GPN2: variants seen among roughly 807,000 people sequenced by gnomAD.
GPN2 encodes ATP-binding domain 1 family member B.
GPN2 carries 27 observed loss-of-function variants against 30.1 expected under a neutral mutation model. That is an observed-to-expected ratio of 0.90 (90% CI 0.66 to 1.24). The LOEUF (loss-of-function observed/expected upper bound fraction) is 1.24. Ranked by LOEUF, GPN2 falls within the 50% of genes most tolerant of loss-of-function variation. GPN2 has a pLI of 0.00. For missense variants in GPN2, 406 were observed against 405.4 expected, an observed-to-expected ratio of 1.00 and a Z score of -0.01; for synonymous variants, 212 against 174.4, an observed-to-expected ratio of 1.22 and a Z score of -1.70.
Position 26,884,159 on chromosome 1 carries a change from C to G in GPN2, c.860+1G>C. ...TATGGCCAGGAAGCTGGCAAGGATA[C>G]GAAGAGAAATGGAAGTCGGCTCCCA... is the stretch of plus-strand genomic sequence containing the variant. On this transcript the variant is annotated splice_donor_variant, in intron 4 of 4. Transcript: ENST00000374135. LOFTEE classifies it high-confidence loss of function. The G allele has an allele frequency of 6.2e-7, 1 of 1,610,834 alleles. No individual in the cohort carries two copies. The highest frequency in any genetic ancestry group is 8.5e-7 in the Non-Finnish European group (1 of 1,178,318).
intron 4 of GPN2, among the ~76,000 whole-genome samples, chr1:26,880,827 A>ATGTAC (rs1557654787): frequency 2.0e-5 from 3 of 152,094 alleles, no homozygotes; most frequent in African/African-American, 7.2e-5. Context: ...ATGCCTTTGC[A>ATGTAC]TGTTCTCTTA....
chr1:26,889,877 G>T lies in GPN2; in HGVS notation c.220C>A (p.Arg74Ser), dbSNP rs1346976098. 6.2e-7 allele frequency: 1 copy of T among 1,611,546 alleles called. No individual in the cohort carries two copies. The highest frequency in any genetic ancestry group is 1.1e-5 in the South Asian group (1 of 90,960). ...VGLGDVMDAL[R>S]LGPNGGLLYC... Reference sequence around the variant, plus strand: ...AGCAGGCCGCCGTTGGGCCCCAGGCGCAGCGCGTCCATCACGTCGCCCAGC... The same window carrying T: ...AGCAGGCCGCCGTTGGGCCCCAGGCTCAGCGCGTCCATCACGTCGCCCAGC... Residue 74 changes from arginine (R) to serine (S), a missense_variant, in exon 1 of 5, where the codon CGC becomes AGC. Coordinates refer to ENST00000374135, the MANE Select transcript of GPN2 (RefSeq NM_018066.4).
In GPN2 at chr1:26,890,190, T is replaced by C; in HGVS notation, c.-94A>G. 2.7e-6 allele frequency: 3 copies of C among 1,119,104 alleles called. No individual in the cohort carries two copies. In the African/African-American group the frequency reaches 4.8e-5, roughly 18 times the overall value. The allele number at this position is 1,119,104 out of a possible 1,614,324, so 69.3% of individuals were successfully genotyped here. A position where few individuals can be genotyped will look rare whatever the true frequency, so the allele number is the denominator to read the frequency against. On this transcript the variant is annotated 5_prime_UTR_variant, in exon 1 of 5. It adds an upstream start codon to the 5' untranslated region. Transcript: ENST00000374135. ...GACTGAGGGCGAGGGTCCCAGTACG[T>C]ATACCTCGTTGGCGGCCAGCGTCAC...
rs781694697 is a variant in GPN2, at chr1:26,889,806, G to A, written c.291C>T (p.Ala97=). Residue 97 remains alanine (A), a synonymous_variant, in exon 1 of 5, where the codon GCC becomes GCT. Transcript: ENST00000374135. ...AGTGGCCGCGGAGGGGGTCGAGCTT[G>A]GCACGCAGCCAGTCCAGGTTGGCTT... is the stretch of plus-strand genomic sequence containing the variant. ...YLEANLDWLR[A]KLDPLRGHYF... 6.2e-7 allele frequency: 1 copy of A among 1,613,854 alleles called. No individual in the cohort carries two copies.
At chr1:26,881,915 A>T (rs751944595) in intron 4 of GPN2, among the ~76,000 whole-genome samples, 13 of 152,122 alleles carry the variant, frequency 8.5e-5, no homozygotes, top group Non-Finnish European at 1.8e-4. Context: ...GCCTCTAAGA[A>T]ATAAATATAA....
rs932842560 is a variant in GPN2 at position 26,879,514 on chromosome 1, T to G, written c.*163A>C. On this transcript the variant is annotated 3_prime_UTR_variant, in exon 5 of 5. Transcript: ENST00000374135. ...GGGGGGTGTTCTGCTTGGCACCATG[T>G]CTGGCTTTTTGGCCAGAAGTCCTTT... The G allele has an allele frequency of 4.8e-6, 3 of 629,622 alleles. No homozygotes were observed. Among genetic ancestry groups the G allele is most frequent in the African/African-American group, 3.6e-5 (2 of 55,074 alleles). 39.0% of individuals were successfully genotyped at this position (629,622 alleles called of 1,614,324 possible).
intron 4 of GPN2, among the ~76,000 whole-genome samples, chr1:26,882,244 TGTG>T (rs1336224076): frequency 1.0e-4 from 14 of 139,862 alleles, no homozygotes; most frequent in Non-Finnish European, 1.7e-4. Context: ...AAGGGCCAGG[TGTG>T]GTGGAGCATG....
rs1258739915 is a variant in GPN2, at chr1:26,877,414, G to A, written c.*2263C>T. ...AGAACAGATGTCCCTAAATTAATTTGCCAACTGCCCAAACCACTGGTGAAC... is the reference window on the plus strand; with the variant it reads ...AGAACAGATGTCCCTAAATTAATTTACCAACTGCCCAAACCACTGGTGAAC... On this transcript the variant is annotated 3_prime_UTR_variant, in exon 5 of 5. Transcript: ENST00000374135. The A allele has an allele frequency of 6.6e-6, 1 of 152,140 alleles. No homozygotes were observed. Among genetic ancestry groups the A allele is most frequent in the East Asian group, 1.9e-4 (1 of 5,198 alleles). 9.4% of individuals were successfully genotyped at this position (152,140 alleles called of 1,614,324 possible).
chr1:26,889,090 G>A lies in GPN2; in HGVS notation c.447C>T (p.Cys149=), dbSNP rs144041152. The A allele has an allele frequency of 1.4e-5, 22 of 1,613,898 alleles. No homozygotes were observed. In the African/African-American group the frequency reaches 2.9e-4, roughly 22 times the overall value. Residue 149 remains cysteine, a synonymous_variant, in exon 2 of 5, where the codon TGC becomes TGT. Transcript: ENST00000374135. ...CTGAAATGAACTTGGCAGGGTCTGT[G>A]CAGTAGTGAGAATCCACGAGGTGGA... ...TAVHLVDSHY[C]TDPAKFISVL...
intron 4 of GPN2, among the ~76,000 whole-genome samples, chr1:26,882,361 T>C (rs2081868747): frequency 6.6e-6 from 1 of 151,622 alleles, no homozygotes; most frequent in Non-Finnish European, 1.5e-5. Context: ...AGAAAGTCCA[T>C]CTTAAATTTA....
chr1:26,879,583 G>A lies in GPN2; in HGVS notation c.*94C>T. 1 of 941,568 alleles carries A rather than the reference G, an allele frequency of 1.1e-6. No homozygotes were observed. The highest frequency in any genetic ancestry group is 1.7e-6 in the Non-Finnish European group (1 of 589,348). The allele number at this position is 941,568 out of a possible 1,614,324, so 58.3% of individuals were successfully genotyped here. On this transcript the variant is annotated 3_prime_UTR_variant, in exon 5 of 5. Transcript: ENST00000374135. ...TTGCCAGCCCGCCAGCTCTGGCTGG[G>A]AGGACTTGCTCTTGGGTCTGCAGCC...
chr1:26,881,507 C>T (rs1012849878), intron 4 of GPN2, among the ~76,000 whole-genome samples: 10 of 152,232 alleles, frequency 6.6e-5, no homozygotes, highest in Non-Finnish European at 1.2e-4. Flanking sequence ...ACCATCTGTA[C>T]GGTGTACAAA....
At chr1:26,880,658 G>A (rs1373389044) in intron 4 of GPN2, among the ~76,000 whole-genome samples, 1 of 152,092 alleles carries the variant, frequency 6.6e-6, no homozygotes, top group Non-Finnish European at 1.5e-5. Context: ...GAGAGATGGG[G>A]TCTCACTATG....
At chr1:26,882,031 C>T (rs948303312) in intron 4 of GPN2, among the ~76,000 whole-genome samples, 1 of 152,146 alleles carries the variant, frequency 6.6e-6, no homozygotes, top group Non-Finnish European at 1.5e-5. Flanking sequence ...GCCTGGCCAA[C>T]ATGGTAAAAC....
chr1:26,882,129 A>G (rs2081867389), intron 4 of GPN2, among the ~76,000 whole-genome samples: 1 of 149,172 alleles, frequency 6.7e-6, no homozygotes, highest in African/African-American at 2.5e-5. Flanking sequence ...AGGCAGGAGA[A>G]TTGCTTGAAC....
chr1:26,885,524 G>C (rs1166919064), intron 3 of GPN2, among the ~76,000 whole-genome samples: 1 of 151,506 alleles, frequency 6.6e-6, no homozygotes, highest in African/African-American at 2.4e-5. Flanking sequence ...AGCAGCCCCT[G>C]GTCCTGAAAC....
At chr1:26,886,324 G>A (rs944601013) in intron 2 of GPN2, 191 bp from the exon 3 acceptor site, 9 of 616,146 alleles carry the variant, frequency 1.5e-5, no homozygotes, top group Admixed American at 7.5e-5. Context: ...TATATAGGCA[G>A]GTATCTACTT....
In GPN2 at chr1:26,889,672, G is replaced by A. The variant is rs1026557562; in HGVS notation, c.411+14C>T. On this transcript the variant is annotated intron_variant, in intron 1 of 4. Coordinates refer to ENST00000374135, the MANE Select transcript of GPN2 (RefSeq NM_018066.4). ...CTCCATCCGCAAAATGGGCCTCCCC[G>A]CCCTGAGACGCACCCTGAGGTCCCA... The A allele has an allele frequency of 1.5e-5, 23 of 1,556,148 alleles. No individual in the cohort carries two copies. The highest frequency in any genetic ancestry group is 4.1e-5 in the African/African-American group (3 of 73,710).
rs1263889375 is a variant in GPN2 at position 26,877,285 on chromosome 1, G to C, written c.*2392C>G. ...TGGGAGCTGAGGTTGCTTTCATACT[G>C]TTCCAGCCACAGTAGCCTCCTCATA... is the stretch of plus-strand genomic sequence containing the variant. On this transcript the variant is annotated 3_prime_UTR_variant, in exon 5 of 5. Coordinates refer to ENST00000374135, the MANE Select transcript of GPN2 (RefSeq NM_018066.4). 1 of 152,180 alleles carries C rather than the reference G, an allele frequency of 6.6e-6. No individual in the cohort carries two copies. Among genetic ancestry groups the C allele is most frequent in the East Asian group, 1.9e-4 (1 of 5,202 alleles). 9.4% of individuals were successfully genotyped at this position (152,180 alleles called of 1,614,324 possible). A position where few individuals can be genotyped will look rare whatever the true frequency, so the allele number is the denominator to read the frequency against.
Sources: gnomAD v4.1 joint callset for allele counts (sites outside exome capture counted in the v4.1 genomes callset) on GRCh38, gnomAD v4.1.1 for gene constraint, MANE v1.5 for transcripts, NCBI Gene and HGNC (gene_info 2026-07-23, HGNC 2026-07-21) for gene names.